Variants in SLC66A3 observed in about 807,000 individuals in gnomAD.
The protein encoded by SLC66A3 is PQ loop repeat containing 3.
Under a neutral mutation model 25.5 loss-of-function variants are expected in SLC66A3, and 23 were observed. That is an observed-to-expected ratio of 0.90 (90% CI 0.65 to 1.28). SLC66A3 has a LOEUF of 1.28. Among genes scored for constraint, SLC66A3 ranks in the 50% most tolerant of loss-of-function variants. The probability of loss-of-function intolerance (pLI) is 0.00; values close to 1 mark genes in which losing one functional copy is unlikely to be tolerated. For missense variants in SLC66A3, 246 were observed against 262.1 expected (o/e 0.94, Z 0.42); for synonymous variants, 108 against 112.6 (o/e 0.96, Z 0.26).
intron 3 of SLC66A3, among the ~76,000 whole-genome samples, chr2:11,161,525 C>T (rs1020330428): frequency 2.6e-5 from 4 of 151,598 alleles, no homozygotes; most frequent in African/African-American, 4.9e-5. Flanking sequence ...GATGTTTTAA[C>T]CTTTTTTTTA....
Position 11,164,346 on chromosome 2 carries a change from T to TATA in SLC66A3, c.354+85_354+86insATA, listed in dbSNP as rs1553289115. The TATA allele has an allele frequency of 5.8e-3, 443 of 76,774 alleles. 10 individuals are homozygous for TATA. The highest frequency in any genetic ancestry group is 0.032 in the African/African-American group (387 of 12,074). The allele number at this position is 76,774 out of a possible 1,614,324, so 4.8% of individuals were successfully genotyped here. A position where few individuals can be genotyped will look rare whatever the true frequency, so the allele number is the denominator to read the frequency against. ...AGATATTTATATATATATATATATA[T>TATA]TTTTTTTTTTTTGAAATGGAGTTTC... On this transcript the variant is annotated intron_variant, in intron 4 of 6. Coordinates refer to ENST00000295083, the MANE Select transcript of SLC66A3 (RefSeq NM_152391.5).
In SLC66A3 at chr2:11,155,480, G is replaced by A; in HGVS notation, c.-67G>A. The A allele has an allele frequency of 1.4e-6, 2 of 1,406,722 alleles. No homozygotes were observed. The highest frequency in any genetic ancestry group is 1.8e-6 in the Non-Finnish European group (2 of 1,087,096). 87.1% of individuals were successfully genotyped at this position (1,406,722 alleles called of 1,614,324 possible). A position where few individuals can be genotyped will look rare whatever the true frequency, so the allele number is the denominator to read the frequency against. Reference sequence around the variant, plus strand: ...CGGGAAGGCGGAAGGCTTCGGCAGAGCTGCGCCGCCGAGGCTGAGCGGTCC... The same window carrying A: ...CGGGAAGGCGGAAGGCTTCGGCAGAACTGCGCCGCCGAGGCTGAGCGGTCC... On this transcript the variant is annotated 5_prime_UTR_variant, in exon 1 of 7. Transcript: ENST00000295083.
intron 4 of SLC66A3, among the ~76,000 whole-genome samples, chr2:11,165,453 A>AGACGGGGC (rs1032296114): frequency 6.6e-6 from 1 of 150,482 alleles, no homozygotes; most frequent in Admixed American, 6.6e-5. Context: ...CTCACATCCC[A>AGACGGGGC]GACGGGGCGA....
chr2:11,170,691 G>A (rs926793357), intron 4 of SLC66A3, among the ~76,000 whole-genome samples: 24 of 151,642 alleles, frequency 1.6e-4, no homozygotes, highest in Admixed American at 1.4e-3. Flanking sequence ...CAAGTTCAAG[G>A]GATTCTCCTG....
intron 1 of SLC66A3, among the ~76,000 whole-genome samples, chr2:11,156,985 T>C (rs1384222481): frequency 6.6e-6 from 1 of 152,158 alleles, no homozygotes; most frequent in African/African-American, 2.4e-5. Context: ...GAGTGGGATT[T>C]GGCCTCGGCC....
At chr2:11,174,801 C>T (rs561655484) in intron 5 of SLC66A3, among the ~76,000 whole-genome samples, 167 bp from the exon 6 acceptor site, 96 of 152,032 alleles carry the variant, frequency 6.3e-4, no homozygotes, top group African/African-American at 2.3e-3. Flanking sequence ...TTCTGTACTA[C>T]CAAACTCTGT....
At chr2:11,172,702 C>T (rs1662596906) in intron 5 of SLC66A3, 2 of 423,132 alleles carry the variant, frequency 4.7e-6, no homozygotes, top group South Asian at 3.5e-5. Context: ...AGTTACTTGT[C>T]TTAATTATGT....
chr2:11,165,127 A>G (rs1358083509), intron 4 of SLC66A3, among the ~76,000 whole-genome samples: 7 of 149,298 alleles, frequency 4.7e-5, no homozygotes, highest in Non-Finnish European at 7.4e-5. Flanking sequence ...GGCACCCCCC[A>G]CCTCCCGGAC....
chr2:11,159,867 C>T (rs896308047), intron 1 of SLC66A3, among the ~76,000 whole-genome samples: 1 of 152,194 alleles, frequency 6.6e-6, no homozygotes, highest in Admixed American at 6.5e-5. Flanking sequence ...TCCTCACAGC[C>T]GGAGTCTTCT....
chr2:11,160,514 G>A lies in SLC66A3; in HGVS notation c.192G>A (p.Leu64=). The A allele has an allele frequency of 6.2e-7, 1 of 1,614,148 alleles. No homozygotes were observed. Among genetic ancestry groups the A allele is most frequent in the Non-Finnish European group, 8.5e-7 (1 of 1,180,030 alleles). Residue 64 remains leucine, a synonymous_variant, in exon 2 of 7, where the codon CTG becomes CTA. Coordinates refer to ENST00000295083, the MANE Select transcript of SLC66A3 (RefSeq NM_152391.5). ...AGTGTTACTATGGGTATCCGCCGCT[G>A]ACCTACCTGGAGTACCCCATCCTCA... ...RYQCYYGYPP[L]TYLEYPILIA...
intron 4 of SLC66A3, among the ~76,000 whole-genome samples, chr2:11,168,875 T>C (rs1662447399): frequency 6.6e-6 from 1 of 152,086 alleles, no homozygotes; most frequent in South Asian, 2.1e-4. Context: ...TTTTTTCTTG[T>C]GAGACAGAGT....
chr2:11,172,392 T>C (rs996683140), intron 5 of SLC66A3, among the ~76,000 whole-genome samples: 2 of 152,242 alleles, frequency 1.3e-5, no homozygotes, highest in African/African-American at 4.8e-5. Flanking sequence ...ATAACAGGTT[T>C]TAAAATATGA....
intron 4 of SLC66A3, among the ~76,000 whole-genome samples, chr2:11,165,687 CGAGCCGA>C (rs1662311466): frequency 6.6e-6 from 1 of 152,182 alleles, no homozygotes; most frequent in Non-Finnish European, 1.5e-5. Flanking sequence ...CAGGTTGTAG[CGAGCCGA>C]GATCACGTCA....
chr2:11,172,026 C>T lies in SLC66A3; in HGVS notation c.456C>T (p.Leu152=), dbSNP rs1662573682. ...SGTVSALTWS[L]SSYTCATRII... ...CTGTGAGTGCGCTGACTTGGAGCCT[C>T]TCTTCCTATACCTGTGCAAGTAAGA... is the stretch of plus-strand genomic sequence containing the variant. Residue 152 remains leucine, a synonymous_variant, in exon 5 of 7, where the codon CTC becomes CTT. Transcript: ENST00000295083. 6.2e-7 allele frequency: 1 copy of T among 1,613,942 alleles called. No homozygotes were observed. The highest frequency in any genetic ancestry group is 8.5e-7 in the Non-Finnish European group (1 of 1,179,946).
At chr2:11,161,446 G>A (rs1662126750) in intron 3 of SLC66A3, among the ~76,000 whole-genome samples, 1 of 151,912 alleles carries the variant, frequency 6.6e-6, no homozygotes, top group Non-Finnish European at 1.5e-5. Context: ...ATTGAAGAAT[G>A]CCACCACACC....
chr2:11,178,627 G>T lies in SLC66A3; in HGVS notation c.*799G>T, dbSNP rs1369808922. On this transcript the variant is annotated 3_prime_UTR_variant, in exon 7 of 7. Coordinates refer to ENST00000295083, the MANE Select transcript of SLC66A3 (RefSeq NM_152391.5). ...CTATTGAAAACATACACGGTAAATG[G>T]TGTTGTTAGGTAGGTTCTGTCCAGT... 1.3e-5 allele frequency: 2 copies of T among 152,530 alleles called. No homozygotes were observed. Among genetic ancestry groups the T allele is most frequent in the Non-Finnish European group, 2.9e-5 (2 of 68,028 alleles). The allele number at this position is 152,530 out of a possible 1,614,324, so 9.4% of individuals were successfully genotyped here.
intron 1 of SLC66A3, among the ~76,000 whole-genome samples, chr2:11,157,977 G>A (rs898541655): frequency 1.3e-5 from 2 of 152,308 alleles, no homozygotes; most frequent in Admixed American, 6.5e-5. Context: ...GCCCTCCCAC[G>A]GTGGACCCTT....
chr2:11,156,276 T>C (rs1661897244), intron 1 of SLC66A3, among the ~76,000 whole-genome samples: 1 of 152,166 alleles, frequency 6.6e-6, no homozygotes, highest in African/African-American at 2.4e-5. Context: ...GTCTCTGCAG[T>C]TGGGAAGGGG....
intron 3 of SLC66A3, among the ~76,000 whole-genome samples, chr2:11,162,756 A>G (rs60560980): frequency 0.071 from 10,717 of 151,996 alleles, 485 homozygotes; most frequent in African/African-American, 0.13. Flanking sequence ...ACAGGCGCCC[A>G]CCACCATGCC....
Sources: gnomAD v4.1 joint callset for allele counts (sites outside exome capture counted in the v4.1 genomes callset) on GRCh38, gnomAD v4.1.1 for gene constraint, MANE v1.5 for transcripts, NCBI Gene and HGNC (gene_info 2026-07-23, HGNC 2026-07-21) for gene names.